Variants in ACIN1 observed in about 807,000 individuals in gnomAD.
ACIN1 encodes the protein apoptotic chromatin condensation inducer in the nucleus.
Under a neutral mutation model 146.6 loss-of-function variants are expected in ACIN1, and 16 were observed. The observed-to-expected ratio is 0.11, with a 90% CI of 0.07 to 0.17. The LOEUF (loss-of-function observed/expected upper bound fraction) is 0.17. Ranked by LOEUF, ACIN1 falls within the 10% of genes least tolerant of loss-of-function variation. ACIN1 has a pLI of 1.00. For missense variants in ACIN1, 1,357 were observed against 1,609.3 expected, an observed-to-expected ratio of 0.84 and a Z score of 2.68; for synonymous variants, 569 against 582.7, an observed-to-expected ratio of 0.98 and a Z score of 0.34.
chr14:23,063,906 T>C (rs987545842), intron 12 of ACIN1, among the ~76,000 whole-genome samples, 199 bp downstream of exon 12: 2 of 152,226 alleles, frequency 1.3e-5, no homozygotes, highest in African/African-American at 2.4e-5. Context: ...TGAACTCGTG[T>C]GGTTGTGTTC....
At chr14:23,071,149 A>C (rs2047634109) in intron 8 of ACIN1, 2 of 1,551,234 alleles carry the variant, frequency 1.3e-6, no homozygotes. Context: ...TGATAACATG[A>C]TTTTTTTTCT....
Position 23,059,205 on chromosome 14 carries a change from G to A in ACIN1, c.3795C>T (p.Arg1265=). The A allele has an allele frequency of 6.2e-7, 1 of 1,613,922 alleles. No individual in the cohort carries two copies. Among genetic ancestry groups the A allele is most frequent in the Non-Finnish European group, 8.5e-7 (1 of 1,179,986 alleles). ...GRERDRRDTK[R]HSRSRSRSTP... ...TGCTCCGACTCCGGCTTCTGCTGTG[G>A]CGCTTGGTGTCCCTGCGATCCCTTT... Residue 1265 remains arginine (R), a synonymous_variant, in exon 19 of 19, where the codon CGC becomes CGT. Transcript: ENST00000605057.
At chr14:23,081,186 T>C (rs1033865024) in intron 5 of ACIN1, among the ~76,000 whole-genome samples, 5 of 152,310 alleles carry the variant, frequency 3.3e-5, no homozygotes, top group Admixed American at 2.6e-4. Flanking sequence ...TATTTCTTTT[T>C]GTTCTTTCCT....
chr14:23,060,980 G>A (rs1594738438), intron 18 of ACIN1, 104 bp downstream of exon 18: 2 of 1,067,908 alleles, frequency 1.9e-6, no homozygotes, highest in South Asian at 1.3e-5. Context: ...CTAAACCTAG[G>A]AAGTACTTGG....
At chr14:23,066,106 A>G (rs1004348027) in intron 9 of ACIN1, 98 bp from the exon 10 acceptor site, 3 of 893,384 alleles carry the variant, frequency 3.4e-6, no homozygotes, top group Non-Finnish European at 5.4e-6. Flanking sequence ...CTTAGCCTCC[A>G]AAGACACAGA....
In ACIN1 at chr14:23,094,957, G is replaced by A; in HGVS notation, c.138+18C>T. Reference sequence around the variant, plus strand: ...GGGTCCGCTCTCCTCCGACACCCCAGCAACGCCGACTCCTCACCCCTTTGA... The same window carrying A: ...GGGTCCGCTCTCCTCCGACACCCCAACAACGCCGACTCCTCACCCCTTTGA... On this transcript the variant is annotated intron_variant, in intron 1 of 18. Transcript: ENST00000605057. 1 of 1,574,396 alleles carries A rather than the reference G, an allele frequency of 6.4e-7. No individual in the cohort carries two copies. The highest frequency in any genetic ancestry group is 1.1e-5 in the South Asian group (1 of 87,630).
chr14:23,086,117 G>A (rs1005867337), intron 4 of ACIN1, among the ~76,000 whole-genome samples: 3 of 152,178 alleles, frequency 2.0e-5, no homozygotes, highest in African/African-American at 7.2e-5. Context: ...GTGTGAATAA[G>A]AAGCAGGAAT....
At chr14:23,090,447 T>C in intron 3 of ACIN1, 75 bp downstream of exon 3, 2 of 1,302,872 alleles carry the variant, frequency 1.5e-6, no homozygotes, top group Non-Finnish European at 1.1e-6. Flanking sequence ...AATTGTCTAG[T>C]TAGACAGGCC....
At chr14:23,066,159 G>T in intron 9 of ACIN1, 151 bp from the exon 10 acceptor site, 1 of 615,060 alleles carries the variant, frequency 1.6e-6, no homozygotes, top group East Asian at 2.9e-5. Flanking sequence ...GAGACAGACA[G>T]AGACCAAAAC....
chr14:23,075,798 G>C (rs760406442), intron 8 of ACIN1, among the ~76,000 whole-genome samples: 1 of 151,610 alleles, frequency 6.6e-6, no homozygotes, highest in Non-Finnish European at 1.5e-5. Context: ...TCCGCCTCCC[G>C]GGTTCAGGCG....
rs764777572 is a variant in ACIN1, at chr14:23,062,423, A to T, written c.2984T>A (p.Phe995Tyr). 13 of 1,613,998 alleles carry T rather than the reference A, an allele frequency of 8.1e-6. No individual in the cohort carries two copies. The highest frequency in any genetic ancestry group is 1.7e-5 in the Admixed American group (1 of 60,000). The change falls in exon 15 of 19, where the codon TTT becomes TAT. Residue 995 changes from phenylalanine (F) to tyrosine (Y), a missense_variant. Transcript: ENST00000605057. ...TCAGCTTCTTCCCCTCACCGTTACA[A>T]AGCAATGAGATTTGATCTTGTCAAT... ...FWIDKIKSHC[F>Y]VTYSTVEEAV... is the part of the protein sequence containing the mutation.
At position 23,067,439 on chromosome 14, in the gene ACIN1, A is replaced by C; in HGVS notation, c.2266-1431T>G. ...TGGTGGGGGGTTGGGTTGGCAAAAA[A>C]GGTGGGCGCACGGCGTGGTAGTCAG... On this transcript the variant is annotated intron_variant, in intron 9 of 18. Transcript: ENST00000605057. The surrounding 1 kb of genome is among the most constrained non-coding windows in gnomAD (Gnocchi z 4.6). 1 of 965,712 alleles carries C rather than the reference A, an allele frequency of 1.0e-6. No individual in the cohort carries two copies. The highest frequency in any genetic ancestry group is 1.2e-6 in the Non-Finnish European group (1 of 824,346). The allele number at this position is 965,712 out of a possible 1,614,324, so 59.8% of individuals were successfully genotyped here.
At chr14:23,062,890 C>G in intron 14 of ACIN1, 39 bp downstream of exon 14, 1 of 1,573,380 alleles carries the variant, frequency 6.4e-7, no homozygotes, top group South Asian at 1.2e-5. Context: ...TCAAACTTAA[C>G]CACTAAGCAA....
At chr14:23,071,236 A>G in intron 8 of ACIN1, 1 of 1,517,652 alleles carries the variant, frequency 6.6e-7, no homozygotes, top group African/African-American at 1.4e-5. Context: ...CCTAAAAAAA[A>G]TAAAGAAAAA....
chr14:23,078,918 C>T lies in ACIN1; in HGVS notation c.1909G>A (p.Glu637Lys). The T allele has an allele frequency of 1.9e-6, 3 of 1,614,150 alleles. No individual in the cohort carries two copies. The highest frequency in any genetic ancestry group is 2.5e-6 in the Non-Finnish European group (3 of 1,180,018). The change falls in exon 7 of 19, where the codon GAG (glutamate) becomes AAG (lysine). Residue 637 changes from glutamate (E) to lysine (K), a missense_variant. Physicochemically the swap from Glu to Lys is moderately conservative, Grantham distance 56. This residue lies in a region of ACIN1 where 771 missense variants were observed against 746.6 expected (regional missense o/e 1.03). Transcript: ENST00000605057. ...GAGGATGAGGAGGTGGAAGTCCTCT[C>T]CTTTGGCTCACAGACCTGCAGTTGT... ...VPQLQVCEPKERTSTSSSSVQ... is the reference protein window; with the variant it reads ...VPQLQVCEPKKRTSTSSSSVQ...
chr14:23,077,174 A>G (rs1341213323), intron 8 of ACIN1, among the ~76,000 whole-genome samples: 1 of 152,232 alleles, frequency 6.6e-6, no homozygotes, highest in East Asian at 1.9e-4. Flanking sequence ...TCACCTGCCC[A>G]CTACCCTCCA....
chr14:23,078,671 T>C, intron 7 of ACIN1, 149 bp downstream of exon 7: 1 of 880,134 alleles, frequency 1.1e-6, no homozygotes, highest in Non-Finnish European at 1.7e-6. Flanking sequence ...ACCAGGGAGC[T>C]GGAAATGAGT....
chr14:23,069,608 C>T lies in ACIN1; in HGVS notation c.2133G>A (p.Lys711=), dbSNP rs1268191123. Residue 711 remains lysine (K), a synonymous_variant, in exon 9 of 19, where the codon AAG becomes AAA. Transcript: ENST00000605057. ...SERIHHTVEE[K]EEVTMDTSEN... The stretch of plus-strand genomic sequence containing the variant: ...CACTTGTGTCCATGGTCACTTCCTC[C>T]TTCTCCTCACTGACAGGAGGGGGGA... 1.3e-6 allele frequency: 2 copies of T among 1,595,786 alleles called. No homozygotes were observed. The highest frequency in any genetic ancestry group is 4.6e-5 in the East Asian group (2 of 43,764).
chr14:23,080,666 T>A lies in ACIN1; in HGVS notation c.669A>T (p.Glu223Asp), dbSNP rs774966796. 56 of 1,611,948 alleles carry A rather than the reference T, an allele frequency of 3.5e-5. No individual in the cohort carries two copies. Among genetic ancestry groups the A allele is most frequent in the Admixed American group, 5.0e-5 (3 of 59,858 alleles). Reference protein sequence around the residue: ...EEEEEEEEEEEDDEEEEGDDE... With the variant: ...EEEEEEEEEEDDDEEEEGDDE... ...CATCACCTTCCTCTTCTTCATCATC[T>A]TCTTCCTCCTCCTCCTCCTCCTCTT... The change falls in exon 6 of 19, where the codon GAA (glutamate) becomes GAT (aspartate). Residue 223 changes from glutamate to aspartate, a missense_variant. Physicochemically the swap from Glu to Asp is conservative, Grantham distance 45. Coordinates refer to ENST00000605057, the MANE Select transcript of ACIN1 (RefSeq NM_001386863.1).
Sources: allele counts gnomAD v4.1 joint callset (sites outside exome capture counted in the v4.1 genomes callset), GRCh38; gene constraint gnomAD v4.1.1; regional missense constraint gnomAD v4.1.1; non-coding constraint Gnocchi (gnomAD v3.1); transcripts MANE v1.5; gene names NCBI Gene and HGNC (gene_info 2026-07-23, HGNC 2026-07-21).